RPS6KC1: variants seen among roughly 807,000 people sequenced by gnomAD.
RPS6KC1 encodes inactive ribosomal protein S6 kinase delta-1.
Under a neutral mutation model 103.8 loss-of-function variants are expected in RPS6KC1, and 54 were observed. The observed-to-expected ratio is 0.52, with a 90% confidence interval of 0.42 to 0.65. The LOEUF (loss-of-function observed/expected upper bound fraction) is 0.65. Among genes scored for constraint, RPS6KC1 ranks in the 30% least tolerant of loss-of-function variants. The pLI, the probability that RPS6KC1 is intolerant of heterozygous loss-of-function variation, is 0.00. For synonymous variants in RPS6KC1, 439 were observed against 438.7 expected, an observed-to-expected ratio of 1.00 and a Z score of -0.01; for missense variants, 1,151 against 1,253.8, an observed-to-expected ratio of 0.92 and a Z score of 1.24.
At chr1:213,589,938 G>GGGGGGT in the RPS6KC1 span, among the ~76,000 whole-genome samples, 1 of 132,732 alleles carries the variant, frequency 7.5e-6, no homozygotes, top group East Asian at 2.2e-4. Flanking sequence ...AAAAGGTAGT[G>GGGGGGT]GTGTGTGTGT....
the RPS6KC1 span, among the ~76,000 whole-genome samples, chr1:213,330,885 C>T: frequency 6.5e-4 from 99 of 152,278 alleles, no homozygotes; most frequent in Non-Finnish European, 4.0e-4. Flanking sequence ...GGTGGCTACT[C>T]TCAGAGGGTG....
chr1:213,585,162 A>G, the RPS6KC1 span, among the ~76,000 whole-genome samples: 1 of 152,138 alleles, frequency 6.6e-6, no homozygotes. Context: ...TGTTGAGGTT[A>G]ATTGAGAGCC....
the RPS6KC1 span, among the ~76,000 whole-genome samples, chr1:213,585,303 C>T: frequency 3.3e-5 from 5 of 152,258 alleles, no homozygotes; most frequent in East Asian, 1.9e-4. Flanking sequence ...ACAGACTTTC[C>T]CTCTGCAGAG....
At chr1:213,392,921 C>G in the RPS6KC1 span, among the ~76,000 whole-genome samples, 1 of 152,174 alleles carries the variant, frequency 6.6e-6, no homozygotes, top group Non-Finnish European at 1.5e-5. Context: ...AGAGGGCTAG[C>G]TGGCTCTTTC....
the RPS6KC1 span, among the ~76,000 whole-genome samples, chr1:213,647,108 G>A: frequency 6.6e-6 from 1 of 151,624 alleles, no homozygotes; most frequent in South Asian, 2.1e-4. Context: ...ACAAAGGTTC[G>A]CCACGTTGGC....
the RPS6KC1 span, among the ~76,000 whole-genome samples, chr1:213,456,192 T>C: frequency 0.13 from 20,383 of 152,196 alleles, 1,756 homozygotes; most frequent in East Asian, 0.25. Flanking sequence ...CCGTGCAGCA[T>C]GTCTTCTTGT....
the RPS6KC1 span, among the ~76,000 whole-genome samples, chr1:213,644,350 A>G: frequency 8.5e-5 from 13 of 152,140 alleles, no homozygotes; most frequent in Admixed American, 7.9e-4. Flanking sequence ...TGTTATAATC[A>G]ATGAACCTAC....
chr1:213,067,128 G>A (rs1187153711), intron 1 of RPS6KC1, among the ~76,000 whole-genome samples: 1 of 152,136 alleles, frequency 6.6e-6, no homozygotes, highest in Non-Finnish European at 1.5e-5. Context: ...CATCTTACAC[G>A]TATTTATTCA....
the RPS6KC1 span, among the ~76,000 whole-genome samples, chr1:213,471,148 A>G: frequency 6.6e-6 from 1 of 152,134 alleles, no homozygotes; most frequent in African/African-American, 2.4e-5. Flanking sequence ...GTGTTTCAAT[A>G]AAGTTGTCCC....
At chr1:213,607,688 TACACACACACACACACAC>T in the RPS6KC1 span, among the ~76,000 whole-genome samples, 6 of 140,800 alleles carry the variant, frequency 4.3e-5, no homozygotes, top group Non-Finnish European at 9.2e-5. Context: ...CAGTTGCAAT[TACACACACACACACACAC>T]ACACACACAC....
Position 213,240,725 on chromosome 1 carries a change from A to C in RPS6KC1, c.1249A>C (p.Ser417Arg). The change falls in exon 11 of 15, where the codon AGT (serine) becomes CGT (arginine). Residue 417 changes from serine to arginine, a missense_variant. By Grantham distance (110) the Ser-to-Arg change is moderately radical. Around this residue, in one of 3 missense-constraint regions of RPS6KC1, gnomAD observed 959 missense variants for 1,006.3 expected, o/e 0.95. Transcript: ENST00000366960. ...AEGGKLWSYI[S>R]KFLNRSPEES... is the part of the protein sequence containing the mutation. The stretch of plus-strand genomic sequence containing the variant: ...AGGTGGCAAACTGTGGTCATATATC[A>C]GTAAATTTCTAAACAGAAGTCCTGA... 1 of 1,612,116 alleles carries C rather than the reference A, an allele frequency of 6.2e-7. No homozygotes were observed. The highest frequency in any genetic ancestry group is 1.7e-5 in the Admixed American group (1 of 59,616).
chr1:213,856,872 C>T, the RPS6KC1 span, among the ~76,000 whole-genome samples: 1 of 152,218 alleles, frequency 6.6e-6, no homozygotes, highest in Non-Finnish European at 1.5e-5. Context: ...GCACCAGTCA[C>T]TTAAGTTCTC....
At chr1:213,361,959 G>T in the RPS6KC1 span, among the ~76,000 whole-genome samples, 1 of 152,236 alleles carries the variant, frequency 6.6e-6, no homozygotes, top group East Asian at 1.9e-4. Context: ...GTGTGCACAA[G>T]TGTCTCTCTG....
the RPS6KC1 span, among the ~76,000 whole-genome samples, chr1:213,861,686 C>T: frequency 2.6e-5 from 4 of 152,198 alleles, no homozygotes; most frequent in Admixed American, 6.5e-5. Flanking sequence ...GAACTGGAGT[C>T]GCAGCCTACC....
At chr1:213,370,792 C>T in the RPS6KC1 span, among the ~76,000 whole-genome samples, 4,807 of 152,194 alleles carry the variant, frequency 0.032, 106 homozygotes, top group African/African-American at 0.055. Flanking sequence ...AGACTCTACT[C>T]TAGATGGGCC....
the RPS6KC1 span, among the ~76,000 whole-genome samples, chr1:213,716,829 T>G: frequency 6.6e-6 from 1 of 152,346 alleles, no homozygotes; most frequent in South Asian, 2.1e-4. Context: ...AGATGCTTAT[T>G]AAACGTCTGG....
chr1:213,268,281 G>C (rs2094957663), intron 14 of RPS6KC1, among the ~76,000 whole-genome samples: 1 of 151,878 alleles, frequency 6.6e-6, no homozygotes. Context: ...CACAGTCAAA[G>C]TGCTGAAATC....
At chr1:213,411,388 C>T in the RPS6KC1 span, among the ~76,000 whole-genome samples, 8 of 152,140 alleles carry the variant, frequency 5.3e-5, no homozygotes, top group African/African-American at 1.9e-4. Flanking sequence ...TCTTGTGATA[C>T]AGTAGGCCAT....
chr1:213,314,019 C>T, the RPS6KC1 span, among the ~76,000 whole-genome samples: 3 of 152,062 alleles, frequency 2.0e-5, no homozygotes, highest in Non-Finnish European at 4.4e-5. Flanking sequence ...AGTTCACAAT[C>T]GAGGTGTTGG....
Sources: allele counts gnomAD v4.1 joint callset (sites outside exome capture counted in the v4.1 genomes callset), GRCh38; gene constraint gnomAD v4.1.1; regional missense constraint gnomAD v4.1.1; transcripts MANE v1.5; gene names NCBI Gene and HGNC (gene_info 2026-07-23, HGNC 2026-07-21).